DPP10: variants seen among roughly 807,000 people sequenced by gnomAD.
The protein encoded by DPP10 is dipeptidyl peptidase like 10, also known as inactive dipeptidyl peptidase 10.
A neutral mutation model predicts 120.9 loss-of-function variants in DPP10; 33 were observed. The observed-to-expected ratio is 0.27, with a 90% confidence interval of 0.21 to 0.37. DPP10 has a LOEUF of 0.37. Among genes scored for constraint, DPP10 ranks in the 10% least tolerant of loss-of-function variants. DPP10 has a pLI of 1.00. For synonymous variants in DPP10, 337 were observed against 326.1 expected (o/e 1.03, Z -0.36); for missense variants, 816 against 942.8 (o/e 0.87, Z 1.76).
intron 3 of DPP10, among the ~76,000 whole-genome samples, chr2:115,430,943 T>C (rs578215865): frequency 7.9e-4 from 120 of 152,252 alleles, no homozygotes; most frequent in African/African-American, 2.8e-3. Context: ...TGGAGTAAGG[T>C]GACATAAATT....
intron 1 of DPP10, among the ~76,000 whole-genome samples, chr2:114,975,172 A>C (rs1286368116): frequency 6.6e-6 from 1 of 151,588 alleles, no homozygotes; most frequent in Non-Finnish European, 1.5e-5. Flanking sequence ...CAGCCACCCA[A>C]GTAGCTGGGG....
At chr2:115,303,699 T>C (rs1028200859) in intron 1 of DPP10, among the ~76,000 whole-genome samples, 12 of 152,010 alleles carry the variant, frequency 7.9e-5, no homozygotes, top group Non-Finnish European at 1.3e-4. Context: ...CCTAGAAAAT[T>C]CTTTCTCAGA....
chr2:114,852,261 C>G (rs942410891), intron 1 of DPP10, among the ~76,000 whole-genome samples: 9 of 145,090 alleles, frequency 6.2e-5, no homozygotes, highest in Non-Finnish European at 3.0e-5. Flanking sequence ...CAAAGATCAC[C>G]CCTCTGGCCT....
At chr2:115,302,141 C>T (rs779624105) in intron 1 of DPP10, among the ~76,000 whole-genome samples, 3 of 151,850 alleles carry the variant, frequency 2.0e-5, no homozygotes, top group Non-Finnish European at 2.9e-5. Flanking sequence ...GGGGAAGTGC[C>T]ACACGCTTTT....
At chr2:115,664,749 T>G (rs1028722440) in intron 5 of DPP10, among the ~76,000 whole-genome samples, 1 of 152,184 alleles carries the variant, frequency 6.6e-6, no homozygotes, top group African/African-American at 2.4e-5. Context: ...GATGTCAAAG[T>G]AGCACTAGTA....
chr2:115,079,214 A>G (rs551635959), intron 1 of DPP10, among the ~76,000 whole-genome samples: 4 of 152,210 alleles, frequency 2.6e-5, no homozygotes, highest in African/African-American at 4.8e-5. Flanking sequence ...CCCCGTCTCT[A>G]CTAAAAACAC....
intron 15 of DPP10, 116 bp downstream of exon 15, chr2:115,777,950 C>A: frequency 2.0e-6 from 2 of 995,514 alleles, no homozygotes; most frequent in Non-Finnish European, 3.0e-6. Context: ...TAGGAAGAGC[C>A]AACTTTGCTG....
At position 115,836,161 on chromosome 2, in the gene DPP10, A is replaced by G. The variant is rs768619229; in HGVS notation, c.1955A>G (p.Tyr652Cys). 1 of 1,575,798 alleles carries G rather than the reference A, an allele frequency of 6.3e-7. No homozygotes were observed. The highest frequency in any genetic ancestry group is 1.2e-5 in the South Asian group (1 of 82,870). Residue 652 changes from tyrosine (Y) to cysteine (C), a missense_variant, in exon 22 of 26, where the codon TAT becomes TGT. Transcript: ENST00000410059. ...SKRLSIFGKG[Y>C]GGYIASMILK... ...ATATATATTTTTCCCCCCCAGGGTTATGGTGGCTATATTGCATCAATGATC... is the reference window on the plus strand; with the variant it reads ...ATATATATTTTTCCCCCCCAGGGTTGTGGTGGCTATATTGCATCAATGATC...
chr2:114,890,414 A>C (rs182564035), intron 1 of DPP10, among the ~76,000 whole-genome samples: 5 of 151,990 alleles, frequency 3.3e-5, no homozygotes, highest in South Asian at 2.1e-4. Flanking sequence ...GCCTTTCCCC[A>C]AAAAAATGAA....
At chr2:114,733,647 T>G (rs1235803591) in intron 1 of DPP10, among the ~76,000 whole-genome samples, 2 of 152,174 alleles carry the variant, frequency 1.3e-5, no homozygotes, top group Non-Finnish European at 2.9e-5. Flanking sequence ...TTCCCAGAAA[T>G]GGCAGGATGC....
At chr2:115,299,567 A>G (rs1000032119) in intron 1 of DPP10, among the ~76,000 whole-genome samples, 1 of 152,078 alleles carries the variant, frequency 6.6e-6, no homozygotes, top group Admixed American at 6.6e-5. Context: ...GTGGGAAAAT[A>G]GAGATTAAAA....
intron 5 of DPP10, among the ~76,000 whole-genome samples, chr2:115,656,508 A>C (rs1473900734): frequency 6.6e-6 from 1 of 151,684 alleles, no homozygotes. Context: ...AAAAGGAGAA[A>C]GATCAATCTG....
chr2:115,581,314 A>T (rs991684586), intron 5 of DPP10, among the ~76,000 whole-genome samples: 4 of 152,174 alleles, frequency 2.6e-5, no homozygotes, highest in African/African-American at 9.7e-5. Flanking sequence ...CTATTTTCCT[A>T]GTATTTTTAC....
chr2:115,396,180 T>G (rs148585827), intron 3 of DPP10, among the ~76,000 whole-genome samples: 3 of 152,308 alleles, frequency 2.0e-5, no homozygotes, highest in Admixed American at 1.3e-4. Context: ...GCTTGATTAT[T>G]ACTGATGTGG....
chr2:114,829,594 C>G (rs1203122518), intron 1 of DPP10, among the ~76,000 whole-genome samples: 1 of 149,958 alleles, frequency 6.7e-6, no homozygotes, highest in Non-Finnish European at 1.5e-5. Flanking sequence ...CCAGGCTGGT[C>G]TCGAATGCCT....
chr2:114,733,797 T>A (rs1013665261), intron 1 of DPP10, among the ~76,000 whole-genome samples: 2 of 152,140 alleles, frequency 1.3e-5, no homozygotes, highest in Non-Finnish European at 2.9e-5. Context: ...AATATAACGA[T>A]CCAGAGAAAG....
intron 3 of DPP10, among the ~76,000 whole-genome samples, chr2:115,370,537 A>C (rs1177542810): frequency 6.6e-6 from 1 of 152,100 alleles, no homozygotes; most frequent in African/African-American, 2.4e-5. Flanking sequence ...TTATAAACAA[A>C]ATAAACAATG....
At chr2:114,576,592 C>T (rs1467257767) in intron 1 of DPP10, among the ~76,000 whole-genome samples, 1 of 152,186 alleles carries the variant, frequency 6.6e-6, no homozygotes, top group African/African-American at 2.4e-5. Flanking sequence ...AGAAATCACC[C>T]TCTTTGGGTA....
intron 1 of DPP10, among the ~76,000 whole-genome samples, chr2:114,810,297 C>T: frequency 6.6e-6 from 1 of 152,204 alleles, no homozygotes; most frequent in East Asian, 1.9e-4. Flanking sequence ...CCTACGTCAG[C>T]TCTTTCTGAA....
Sources: gnomAD v4.1 joint callset for allele counts (sites outside exome capture counted in the v4.1 genomes callset) on GRCh38, gnomAD v4.1.1 for gene constraint, MANE v1.5 for transcripts, NCBI Gene and HGNC (gene_info 2026-07-23, HGNC 2026-07-21) for gene names.